The following CCDC141 variants were observed in gnomAD, a reference collection of about 807,000 sequenced individuals.
CCDC141 encodes the protein coiled-coil domain-containing protein 141.
A neutral mutation model predicts 181.0 loss-of-function variants in CCDC141; 168 were observed. The ratio of observed to expected loss-of-function variants is 0.93; its 90% CI spans 0.82 to 1.05. The LOEUF is 1.05. CCDC141 is among the 50% of genes least tolerant of loss of function. The probability of loss-of-function intolerance (pLI) is 0.00; values close to 1 mark genes in which losing one functional copy is unlikely to be tolerated. For synonymous variants in CCDC141, 666 were observed against 642.3 expected (o/e 1.04, Z -0.56); for missense variants, 1,902 against 1,788.5 (o/e 1.06, Z -1.14).
chr2:178,848,393 C>T lies in CCDC141; in HGVS notation c.3357+1656G>A, dbSNP rs560789013. Among the ~76,000 whole-genome samples, 5 of 152,152 alleles carry T rather than the reference C, an allele frequency of 3.3e-5. No individual in the cohort carries two copies. The East Asian group carries it at 9.6e-4, about 29-fold the overall frequency. The stretch of plus-strand genomic sequence containing the variant: ...GAGTGTTGTGAATGTGAAGATGACA[C>T]TAGCAGAACTATTTAGGAAGGGTAA... On this transcript the variant is annotated intron_variant, in intron 21 of 23. Coordinates refer to ENST00000443758, the MANE Select transcript of CCDC141 (RefSeq NM_173648.4).
At chr2:179,029,534 C>T (rs573335802) in intron 2 of CCDC141, among the ~76,000 whole-genome samples, 51 of 152,194 alleles carry the variant, frequency 3.4e-4, no homozygotes, top group Admixed American at 3.1e-3. Context: ...GGGGTAAAAA[C>T]TTTATTTTGC....
chr2:179,045,412 T>A (rs1222401255), intron 2 of CCDC141, among the ~76,000 whole-genome samples: 1 of 151,610 alleles, frequency 6.6e-6, no homozygotes, highest in Non-Finnish European at 1.5e-5. Flanking sequence ...TAGTCTATCA[T>A]TGTTGGACAT....
chr2:178,896,210 C>G (rs1001609229), intron 8 of CCDC141, among the ~76,000 whole-genome samples: 1 of 152,196 alleles, frequency 6.6e-6, no homozygotes, highest in Non-Finnish European at 1.5e-5. Flanking sequence ...TCTCAGCCTA[C>G]CAAATACAGC....
chr2:178,949,346 A>G (rs1689857741), intron 5 of CCDC141, among the ~76,000 whole-genome samples: 1 of 152,186 alleles, frequency 6.6e-6, no homozygotes, highest in Admixed American at 6.5e-5. Context: ...CACCCCTCCT[A>G]TGATAGAGAT....
At chr2:178,883,399 A>G (rs754517484) in intron 11 of CCDC141, among the ~76,000 whole-genome samples, 3 of 152,168 alleles carry the variant, frequency 2.0e-5, no homozygotes, top group Non-Finnish European at 4.4e-5. Flanking sequence ...ATATATACCT[A>G]TGTATCCACA....
In CCDC141 at chr2:178,837,593, A is replaced by G; in HGVS notation, c.3626T>C (p.Val1209Ala). The change falls in exon 23 of 24, where the codon GTC becomes GCC. Residue 1209 changes from valine (V) to alanine (A), a missense_variant. Coordinates refer to ENST00000443758, the MANE Select transcript of CCDC141 (RefSeq NM_173648.4). ...AGGCAAGGAGATGTCATCAGGTGAG[A>G]CACACTCATATTCTTCCCCTGAGAG... is the stretch of plus-strand genomic sequence containing the variant. ...DMLSGEEYECVSPDDISLPPL... is the reference protein window; with the variant it reads ...DMLSGEEYECASPDDISLPPL... The G allele has an allele frequency of 6.2e-7, 1 of 1,613,898 alleles. No individual in the cohort carries two copies. The highest frequency in any genetic ancestry group is 8.5e-7 in the Non-Finnish European group (1 of 1,179,936).
At chr2:179,013,569 C>A in intron 2 of CCDC141, among the ~76,000 whole-genome samples, 1 of 151,996 alleles carries the variant, frequency 6.6e-6, no homozygotes, top group Admixed American at 6.6e-5. Flanking sequence ...AACGCAGTTC[C>A]CATCAAAATA....
chr2:179,038,128 T>C (rs1444106482), intron 2 of CCDC141, among the ~76,000 whole-genome samples: 3 of 152,218 alleles, frequency 2.0e-5, no homozygotes, highest in African/African-American at 7.2e-5. Context: ...TATTGACAGA[T>C]GAATGAATAA....
At chr2:178,897,610 A>G (rs1461332422) in intron 8 of CCDC141, among the ~76,000 whole-genome samples, 1 of 152,212 alleles carries the variant, frequency 6.6e-6, no homozygotes, top group Non-Finnish European at 1.5e-5. Context: ...ATGATGAGGT[A>G]GAATGAAACC....
intron 23 of CCDC141, among the ~76,000 whole-genome samples, 151 bp from the exon 24 acceptor site, chr2:178,834,591 C>T (rs1483375587): frequency 6.6e-6 from 1 of 151,884 alleles, no homozygotes; most frequent in Non-Finnish European, 1.5e-5. Context: ...TCCAGTGGGG[C>T]TCTTTATCTT....
chr2:179,005,188 A>G (rs1346844511), intron 2 of CCDC141, among the ~76,000 whole-genome samples: 1 of 152,200 alleles, frequency 6.6e-6, no homozygotes, highest in Non-Finnish European at 1.5e-5. Flanking sequence ...CACATGATTA[A>G]TTGACAGTGA....
chr2:178,972,413 G>A (rs1690934393), intron 4 of CCDC141, among the ~76,000 whole-genome samples: 2 of 152,156 alleles, frequency 1.3e-5, no homozygotes. Flanking sequence ...ACAACCTGAT[G>A]ATGAAGATAA....
At chr2:178,866,774 G>A (rs545365554) in intron 16 of CCDC141, among the ~76,000 whole-genome samples, 2 of 152,232 alleles carry the variant, frequency 1.3e-5, no homozygotes, top group African/African-American at 4.8e-5. Flanking sequence ...CGCCCAGGCT[G>A]GAGTGCAATG....
At position 178,851,830 on chromosome 2, in the gene CCDC141, C is replaced by T. The variant is rs1575129019; in HGVS notation, c.3244+1611G>A. On this transcript the variant is annotated intron_variant, in intron 20 of 23. Transcript: ENST00000443758. Reference sequence around the variant, plus strand: ...TTAATTGTCTTTATAACAGCCACAGCTCTTAGTAGATAACAGGTATGCACA... The same window carrying T: ...TTAATTGTCTTTATAACAGCCACAGTTCTTAGTAGATAACAGGTATGCACA... 2.0e-5 allele frequency among the ~76,000 whole-genome samples: 3 copies of T among 152,240 alleles called. 1 individual carries two copies. Among genetic ancestry groups the T allele is most frequent in the African/African-American group, 7.2e-5 (3 of 41,544 alleles).
intron 2 of CCDC141, among the ~76,000 whole-genome samples, chr2:179,008,613 C>G (rs745846690): frequency 6.6e-6 from 1 of 152,168 alleles, no homozygotes; most frequent in Non-Finnish European, 1.5e-5. Context: ...AGCTGCGAAT[C>G]TCTTCTTTTA....
intron 2 of CCDC141, among the ~76,000 whole-genome samples, chr2:179,008,436 T>C (rs1320347201): frequency 6.6e-6 from 1 of 152,138 alleles, no homozygotes; most frequent in African/African-American, 2.4e-5. Context: ...GCTGAGCCCT[T>C]TGTAAGACCT....
intron 2 of CCDC141, among the ~76,000 whole-genome samples, chr2:179,014,010 C>G (rs1397259339): frequency 7.8e-5 from 11 of 141,308 alleles, no homozygotes; most frequent in African/African-American, 2.9e-4. Flanking sequence ...AGGCATCACA[C>G]TACCTCATTT....
intron 21 of CCDC141, among the ~76,000 whole-genome samples, chr2:178,846,206 A>G (rs1298285284): frequency 6.6e-6 from 1 of 152,206 alleles, no homozygotes; most frequent in Non-Finnish European, 1.5e-5. Context: ...AATATCACTG[A>G]GTATAGTAAA....
At chr2:178,840,147 G>C (rs1044815093) in intron 22 of CCDC141, among the ~76,000 whole-genome samples, 3 of 152,180 alleles carry the variant, frequency 2.0e-5, no homozygotes, top group African/African-American at 7.2e-5. Context: ...ACTGTTTGGA[G>C]AATTGGTCCT....
Sources: allele counts gnomAD v4.1 joint callset (sites outside exome capture counted in the v4.1 genomes callset), GRCh38; gene constraint gnomAD v4.1.1; transcripts MANE v1.5; gene names NCBI Gene and HGNC (gene_info 2026-07-23, HGNC 2026-07-21).